GRIK2: variants seen among roughly 807,000 people sequenced by gnomAD.
GRIK2 encodes the protein glutamate receptor ionotropic, kainate 2.
A neutral mutation model predicts 100.3 loss-of-function variants in GRIK2; 32 were observed. The ratio of observed to expected loss-of-function variants is 0.32; its 90% CI spans 0.24 to 0.43. The LOEUF is 0.43. Ranked by LOEUF, GRIK2 falls within the 20% of genes least tolerant of loss-of-function variation. The probability of loss-of-function intolerance (pLI) is 1.00; values close to 1 mark genes in which losing one functional copy is unlikely to be tolerated. For missense variants in GRIK2, 843 were observed against 1,114.9 expected, an observed-to-expected ratio of 0.76 and a Z score of 3.47; for synonymous variants, 417 against 389.4, an observed-to-expected ratio of 1.07 and a Z score of -0.83.
chr6:101,665,828 G>A (rs550093807), intron 4 of GRIK2, among the ~76,000 whole-genome samples: 1 of 152,154 alleles, frequency 6.6e-6, no homozygotes, highest in East Asian at 1.9e-4. Flanking sequence ...GCCATCAAAG[G>A]TGACACCTCT....
intron 11 of GRIK2, among the ~76,000 whole-genome samples, chr6:101,859,726 A>G (rs1784631054): frequency 1.3e-5 from 2 of 152,170 alleles, no homozygotes. Context: ...TGAGAGATGG[A>G]ACATTATCTC....
chr6:101,547,077 C>T (rs1264658309), intron 2 of GRIK2, among the ~76,000 whole-genome samples: 2 of 151,586 alleles, frequency 1.3e-5, no homozygotes, highest in Non-Finnish European at 2.9e-5. Flanking sequence ...GTGATCCGCC[C>T]GCCTCGGCCT....
intron 7 of GRIK2, among the ~76,000 whole-genome samples, chr6:101,730,909 TG>T (rs1775222039): frequency 6.6e-6 from 1 of 151,880 alleles, no homozygotes. Flanking sequence ...AGAGTTGTTT[TG>T]AGTTTGAAGT....
chr6:101,890,901 G>T (rs893741692), intron 12 of GRIK2, among the ~76,000 whole-genome samples: 1 of 150,322 alleles, frequency 6.7e-6, no homozygotes, highest in African/African-American at 2.4e-5. Flanking sequence ...ATATCAAAAA[G>T]ATAACTCTGA....
intron 4 of GRIK2, among the ~76,000 whole-genome samples, chr6:101,649,488 C>T (rs1437355912): frequency 1.3e-5 from 2 of 152,012 alleles, no homozygotes; most frequent in Admixed American, 1.3e-4. Flanking sequence ...ATCTTACAGA[C>T]AGCAACCAAC....
At chr6:101,864,883 T>C (rs1308056556) in intron 11 of GRIK2, among the ~76,000 whole-genome samples, 2 of 152,194 alleles carry the variant, frequency 1.3e-5, no homozygotes, top group Non-Finnish European at 2.9e-5. Flanking sequence ...CCCATTAGAA[T>C]TGTGTGGACT....
intron 2 of GRIK2, among the ~76,000 whole-genome samples, chr6:101,532,550 T>TTTA (rs1554215576): frequency 6.6e-6 from 1 of 150,590 alleles, no homozygotes; most frequent in Non-Finnish European, 1.5e-5. Flanking sequence ...TTTTTTTTTT[T>TTTA]AAAGTTTTAT....
At chr6:101,556,107 A>G (rs1299533714) in intron 2 of GRIK2, among the ~76,000 whole-genome samples, 1 of 151,864 alleles carries the variant, frequency 6.6e-6, no homozygotes, top group Admixed American at 6.6e-5. Context: ...TGCGTCTCTA[A>G]ATTGCAAATA....
At chr6:102,001,790 A>G (rs550397830) in intron 14 of GRIK2, among the ~76,000 whole-genome samples, 149 of 151,948 alleles carry the variant, frequency 9.8e-4, no homozygotes, top group Non-Finnish European at 1.7e-3. Flanking sequence ...TTTCATTCAG[A>G]TCAGAATGCT....
rs886719565 is a variant in GRIK2 at position 101,537,330 on chromosome 6, C to T, written c.116-84619C>T. On this transcript the variant is annotated intron_variant, in intron 2 of 16. Transcript: ENST00000369134. ...TGAGTATTGGTTCCAGCCAGATGGG[C>T]TCATTGTTATTTCCTCAAAAGCCAG... Among the ~76,000 whole-genome samples, 4 of 151,690 alleles carry T rather than the reference C, an allele frequency of 2.6e-5. No homozygotes were observed. In the East Asian group the frequency reaches 5.8e-4, roughly 22 times the overall value.
chr6:101,708,279 G>A (rs1773473642), intron 7 of GRIK2, among the ~76,000 whole-genome samples: 2 of 151,620 alleles, frequency 1.3e-5, no homozygotes, highest in South Asian at 4.1e-4. Context: ...AAACTTCTCT[G>A]AAGAATTCCA....
At chr6:102,052,492 GAA>G (rs1170067308) in intron 15 of GRIK2, among the ~76,000 whole-genome samples, 1 of 152,130 alleles carries the variant, frequency 6.6e-6, no homozygotes, top group Non-Finnish European at 1.5e-5. Context: ...TTCAGCTGGC[GAA>G]AAGTCAAGCG....
At chr6:101,440,844 C>T (rs1327209997) in intron 2 of GRIK2, among the ~76,000 whole-genome samples, 2 of 151,716 alleles carry the variant, frequency 1.3e-5, no homozygotes, top group Non-Finnish European at 2.9e-5. Context: ...GGACCAAAAA[C>T]TCCTCAGCCT....
chr6:101,503,331 T>C (rs1363421750), intron 2 of GRIK2, among the ~76,000 whole-genome samples: 1 of 152,064 alleles, frequency 6.6e-6, no homozygotes, highest in East Asian at 1.9e-4. Flanking sequence ...AGACTACTCC[T>C]TTTCAAGACA....
chr6:101,568,012 G>A (rs1399799791), intron 2 of GRIK2, among the ~76,000 whole-genome samples: 1 of 151,892 alleles, frequency 6.6e-6, no homozygotes, highest in Non-Finnish European at 1.5e-5. Flanking sequence ...TAACCAGTAT[G>A]AACTTTATTG....
chr6:101,871,401 T>A (rs1174032702), intron 11 of GRIK2, among the ~76,000 whole-genome samples: 1 of 151,866 alleles, frequency 6.6e-6, no homozygotes, highest in Non-Finnish European at 1.5e-5. Context: ...TTATTTTAAA[T>A]TCAGGGGTTA....
intron 7 of GRIK2, among the ~76,000 whole-genome samples, chr6:101,788,909 G>T (rs945474688): frequency 6.6e-6 from 1 of 152,100 alleles, no homozygotes; most frequent in Admixed American, 6.5e-5. Flanking sequence ...CATTCTAACT[G>T]GTGTGAGATG....
At chr6:101,932,581 GTT>G (rs1165058995) in intron 14 of GRIK2, among the ~76,000 whole-genome samples, 5 of 144,366 alleles carry the variant, frequency 3.5e-5, no homozygotes, top group African/African-American at 1.0e-4. Context: ...ATTCTTTGAA[GTT>G]TTTTTTTTTT....
At chr6:101,788,442 G>A (rs1010213214) in intron 7 of GRIK2, among the ~76,000 whole-genome samples, 1 of 150,420 alleles carries the variant, frequency 6.6e-6, no homozygotes, top group Non-Finnish European at 1.5e-5. Flanking sequence ...TCCCATCTAT[G>A]AGTGAGAACA....
Sources: gnomAD v4.1 joint callset for allele counts (sites outside exome capture counted in the v4.1 genomes callset) on GRCh38, gnomAD v4.1.1 for gene constraint, MANE v1.5 for transcripts, NCBI Gene and HGNC (gene_info 2026-07-23, HGNC 2026-07-21) for gene names.